IFIT5: variants seen among roughly 807,000 people sequenced by gnomAD.
The protein encoded by IFIT5 is interferon induced protein with tetratricopeptide repeats 5.
In IFIT5, 2 loss-of-function variants were observed where a neutral mutation model predicts 5.0. The ratio of observed to expected loss-of-function variants is 0.40; its 90% CI spans 0.16 to 1.26. The LOEUF is 1.26. IFIT5 is among the 50% of genes most tolerant of loss of function. The pLI is 0.33. For missense variants in IFIT5, 524 were observed against 563.2 expected, an observed-to-expected ratio of 0.93 and a Z score of 0.70; for synonymous variants, 206 against 204.6, an observed-to-expected ratio of 1.01 and a Z score of -0.06.
Position 89,419,288 on chromosome 10 carries a change from GTTTA to G in IFIT5, c.*643_*646del, listed in dbSNP as rs1841575977. On this transcript the variant is annotated 3_prime_UTR_variant, in exon 2 of 2. Coordinates refer to ENST00000371795, the MANE Select transcript of IFIT5 (RefSeq NM_012420.3). ...AACTTCAGGGATTCAATCCCCAAAT[GTTTA>G]TTAAGTAGCTAGAAATAATTATGTG... 6.6e-6 allele frequency: 1 copy of G among 151,416 alleles called. No homozygotes were observed. Among genetic ancestry groups the G allele is most frequent in the Non-Finnish European group, 1.5e-5 (1 of 67,902 alleles). The allele number at this position is 151,416 out of a possible 1,614,324, so 9.4% of individuals were successfully genotyped here. A position where few individuals can be genotyped will look rare whatever the true frequency, so the allele number is the denominator to read the frequency against.
At position 89,417,407 on chromosome 10, in the gene IFIT5, G is replaced by A. The variant is rs753044032; in HGVS notation, c.208G>A (p.Ala70Thr). 10 of 1,613,990 alleles carry A rather than the reference G, an allele frequency of 6.2e-6. No individual in the cohort carries two copies. Among genetic ancestry groups the A allele is most frequent in the African/African-American group, 5.3e-5 (4 of 74,890 alleles). The change falls in exon 2 of 2, where the codon GCC becomes ACC. Residue 70 changes from alanine to threonine, a missense_variant. Coordinates refer to ENST00000371795, the MANE Select transcript of IFIT5 (RefSeq NM_012420.3). ...VKHLKGQNKDALECLEQAEEI... is the reference protein window; with the variant it reads ...VKHLKGQNKDTLECLEQAEEI... Reference sequence around the variant, plus strand: ...ACACCTAAAAGGCCAAAATAAAGACGCCCTTGAGTGCTTGGAACAAGCAGA... The same window carrying A: ...ACACCTAAAAGGCCAAAATAAAGACACCCTTGAGTGCTTGGAACAAGCAGA...
chr10:89,416,306 A>C (rs989575648), intron 1 of IFIT5, among the ~76,000 whole-genome samples: 3 of 151,896 alleles, frequency 2.0e-5, no homozygotes, highest in Admixed American at 6.5e-5. Flanking sequence ...ACAACAACAA[A>C]AAACAGAAAA....
Position 89,417,320 on chromosome 10 carries a change from C to A in IFIT5, c.121C>A (p.Gln41Lys), listed in dbSNP as rs1365563255. Reference sequence around the variant, plus strand: ...TGAGGTAGAAGATACAATTGGGCAACAGCTTGAATTTCTTACCACAAAATC... The same window carrying A: ...TGAGGTAGAAGATACAATTGGGCAAAAGCTTGAATTTCTTACCACAAAATC... The part of the protein sequence containing the change: ...LFEVEDTIGQ[Q>K]LEFLTTKSRL... Residue 41 changes from glutamine to lysine, a missense_variant, in exon 2 of 2, where the codon CAG becomes AAG. Transcript: ENST00000371795. 1.2e-6 allele frequency: 2 copies of A among 1,614,166 alleles called. No homozygotes were observed. Among genetic ancestry groups the A allele is most frequent in the Non-Finnish European group, 8.5e-7 (1 of 1,180,030 alleles).
chr10:89,419,901 C>T lies in IFIT5; in HGVS notation c.*1253C>T, dbSNP rs1177128683. 1 of 151,974 alleles carries T rather than the reference C, an allele frequency of 6.6e-6. No individual in the cohort carries two copies. The highest frequency in any genetic ancestry group is 1.5e-5 in the Non-Finnish European group (1 of 68,004). 9.4% of individuals were successfully genotyped at this position (151,974 alleles called of 1,614,324 possible). On this transcript the variant is annotated 3_prime_UTR_variant, in exon 2 of 2. Coordinates refer to ENST00000371795, the MANE Select transcript of IFIT5 (RefSeq NM_012420.3). ...GTACCATGTGATTTAATTCTCCATT[C>T]CTCCAATGTAACTCTTAAAATTATT...
chr10:89,416,416 A>G (rs1159582951), intron 1 of IFIT5, among the ~76,000 whole-genome samples: 1 of 152,254 alleles, frequency 6.6e-6, no homozygotes, highest in Non-Finnish European at 1.5e-5. Flanking sequence ...GCTTCTTCCT[A>G]GCAGAAGAAC....
rs536497680 is a variant in IFIT5, at chr10:89,415,980, T to A, written c.5+1177T>A. Among the ~76,000 whole-genome samples the A allele has an allele frequency of 3.9e-5, 6 of 152,374 alleles. No homozygotes were observed. In the East Asian group the frequency reaches 1.2e-3, roughly 29 times the overall value. ...CCCTGTCACCCAGGCTGTAGTGTAA[T>A]GGCTCCATCTCGGCTCACTGCAACC... On this transcript the variant is annotated intron_variant, in intron 1 of 1. Coordinates refer to ENST00000371795, the MANE Select transcript of IFIT5 (RefSeq NM_012420.3).
Position 89,417,547 on chromosome 10 carries a change from T to C in IFIT5, c.348T>C (p.Tyr116=), listed in dbSNP as rs1564817260. The C allele has an allele frequency of 1.9e-6, 3 of 1,614,210 alleles. No homozygotes were observed. Among genetic ancestry groups the C allele is most frequent in the Non-Finnish European group, 1.7e-6 (2 of 1,180,022 alleles). ...HMDQLEEAQK[Y]TGKIGNVCKK... ...ACCAGCTTGAAGAAGCTCAGAAGTA[T>C]ACAGGTAAGATAGGGAATGTCTGTA... is the stretch of plus-strand genomic sequence containing the variant. The change falls in exon 2 of 2, where the codon TAT becomes TAC. Residue 116 remains tyrosine (Y), a synonymous_variant. Coordinates refer to ENST00000371795, the MANE Select transcript of IFIT5 (RefSeq NM_012420.3).
Position 89,418,185 on chromosome 10 carries a change from C to T in IFIT5, c.986C>T (p.Ala329Val), listed in dbSNP as rs1193194259. ...LISSAIFHFK[A>V]AMERDSMFAF... The stretch of plus-strand genomic sequence containing the variant: ...TCATCTGCTATATTTCATTTCAAAG[C>T]AGCCATGGAACGAGACTCTATGTTT... Residue 329 changes from alanine to valine, a missense_variant, in exon 2 of 2, where the codon GCA becomes GTA. Transcript: ENST00000371795. The T allele has an allele frequency of 3.7e-6, 6 of 1,614,210 alleles. No individual in the cohort carries two copies. In the Admixed American group the frequency reaches 6.7e-5, roughly 18 times the overall value.
intron 1 of IFIT5, 139 bp downstream of exon 1, chr10:89,414,942 C>T: frequency 2.6e-6 from 3 of 1,149,616 alleles, no homozygotes; most frequent in South Asian, 3.1e-5. Context: ...CGGGCATCTG[C>T]GTTGGGGACC....
Position 89,414,706 on chromosome 10 carries a change from C to A in IFIT5, c.-93C>A. Reference sequence around the variant, plus strand: ...CCTGGCGCGCGCACGCGCACGCGCACGCCCACCGCGCGGCTTCCCGCGGTC... The same window carrying A: ...CCTGGCGCGCGCACGCGCACGCGCAAGCCCACCGCGCGGCTTCCCGCGGTC... On this transcript the variant is annotated 5_prime_UTR_variant, in exon 1 of 2. Coordinates refer to ENST00000371795, the MANE Select transcript of IFIT5 (RefSeq NM_012420.3). 2 of 1,489,944 alleles carry A rather than the reference C, an allele frequency of 1.3e-6. No individual in the cohort carries two copies. The highest frequency in any genetic ancestry group is 1.8e-6 in the Non-Finnish European group (2 of 1,119,908). The allele number at this position is 1,489,944 out of a possible 1,614,324, so 92.3% of individuals were successfully genotyped here.
At position 89,419,389 on chromosome 10, in the gene IFIT5, C is replaced by A. The variant is rs1841577925; in HGVS notation, c.*741C>A. The A allele has an allele frequency of 6.7e-6, 1 of 149,930 alleles. No homozygotes were observed. The highest frequency in any genetic ancestry group is 1.5e-5 in the Non-Finnish European group (1 of 67,684). 9.3% of individuals were successfully genotyped at this position (149,930 alleles called of 1,614,324 possible). ...TTTTTTTTTAACTAAAACAAATCTG[C>A]AATGAATCTAGATGCAATTAATTTT... On this transcript the variant is annotated 3_prime_UTR_variant, in exon 2 of 2. Coordinates refer to ENST00000371795, the MANE Select transcript of IFIT5 (RefSeq NM_012420.3).
In IFIT5 at chr10:89,418,137, A is replaced by G. The variant is rs775644758; in HGVS notation, c.938A>G (p.Lys313Arg). Reference sequence around the variant, plus strand: ...CACAACAGACCTAAAGGAAAGGATAAACTAAAGGTTGATGAGCTGATTTCA... The same window carrying G: ...CACAACAGACCTAAAGGAAAGGATAGACTAAAGGTTGATGAGCTGATTTCA... The part of the protein sequence containing the change: ...ATHNRPKGKD[K>R]LKVDELISSA... Residue 313 changes from lysine (K) to arginine (R), a missense_variant, in exon 2 of 2, where the codon AAA becomes AGA. By Grantham distance (26) the Lys-to-Arg change is conservative (BLOSUM62 2). Coordinates refer to ENST00000371795, the MANE Select transcript of IFIT5 (RefSeq NM_012420.3). 6.2e-7 allele frequency: 1 copy of G among 1,614,124 alleles called. No individual in the cohort carries two copies. Among genetic ancestry groups the G allele is most frequent in the African/African-American group, 1.3e-5 (1 of 74,938 alleles).
rs1370696496 is a variant in IFIT5, at chr10:89,417,882, T to C, written c.683T>C (p.Val228Ala). 1 of 1,614,198 alleles carries C rather than the reference T, an allele frequency of 6.2e-7. No homozygotes were observed. Among genetic ancestry groups the C allele is most frequent in the East Asian group, 2.2e-5 (1 of 44,886 alleles). ...TTTCTGGCACTGAAGCTTCAAGATGTACATGCAGAAGCTGAAGGGGAAAAG... is the reference window on the plus strand; with the variant it reads ...TTTCTGGCACTGAAGCTTCAAGATGCACATGCAGAAGCTGAAGGGGAAAAG... Reference protein sequence around the residue: ...KVFLALKLQDVHAEAEGEKYI... With the variant: ...KVFLALKLQDAHAEAEGEKYI... Residue 228 changes from valine to alanine, a missense_variant, in exon 2 of 2, where the codon GTA (valine) becomes GCA (alanine). By Grantham distance (64) the Val-to-Ala change is moderately conservative. Coordinates refer to ENST00000371795, the MANE Select transcript of IFIT5 (RefSeq NM_012420.3).
At chr10:89,415,364 G>A (rs894276775) in intron 1 of IFIT5, among the ~76,000 whole-genome samples, 8 of 152,188 alleles carry the variant, frequency 5.3e-5, no homozygotes, top group African/African-American at 1.9e-4. Context: ...CATTCCCTCG[G>A]TGTGGCATAC....
At position 89,418,339 on chromosome 10, in the gene IFIT5, C is replaced by T. The variant is rs1310976854; in HGVS notation, c.1140C>T (p.Tyr380=). 1.9e-6 allele frequency: 3 copies of T among 1,614,168 alleles called. No homozygotes were observed. The highest frequency in any genetic ancestry group is 3.3e-4 in the Middle Eastern group (2 of 6,062). The change falls in exon 2 of 2, where the codon TAC becomes TAT. Residue 380 remains tyrosine (Y), a synonymous_variant. Transcript: ENST00000371795. ...ATGATCACAAACATCAGATCCATTA[C>T]CACTATGGCCGCTTTCAGGAATTTC... is the stretch of plus-strand genomic sequence containing the variant. ...ITDDHKHQIH[Y]HYGRFQEFHR... is the part of the protein sequence containing the mutation.
intron 1 of IFIT5, 57 bp downstream of exon 1, chr10:89,414,860 C>A (rs940764301): frequency 1.3e-6 from 2 of 1,592,804 alleles, no homozygotes; most frequent in Non-Finnish European, 8.5e-7. Flanking sequence ...GGTTTCAAAC[C>A]GGGCTGCTTT....
At chr10:89,415,540 T>A (rs1841527158) in intron 1 of IFIT5, among the ~76,000 whole-genome samples, 1 of 152,198 alleles carries the variant, frequency 6.6e-6, no homozygotes, top group African/African-American at 2.4e-5. Flanking sequence ...TCTTTATCTG[T>A]TTCCTTTACT....
chr10:89,417,793 C>T lies in IFIT5; in HGVS notation c.594C>T (p.Ser198=), dbSNP rs968249503. Residue 198 remains serine, a synonymous_variant, in exon 2 of 2, where the codon AGC becomes AGT. Coordinates refer to ENST00000371795, the MANE Select transcript of IFIT5 (RefSeq NM_012420.3). ...CTGATAGAGAAGGGTCTGTAAAGAG[C>T]TTTTCTCTGGGGCCTTTGAGAAAGG... The part of the protein sequence containing the change: ...DDSDREGSVK[S]FSLGPLRKAV... 5.3e-5 allele frequency: 85 copies of T among 1,614,040 alleles called. No homozygotes were observed. Among genetic ancestry groups the T allele is most frequent in the Non-Finnish European group, 6.6e-5 (78 of 1,180,014 alleles).
intron 1 of IFIT5, among the ~76,000 whole-genome samples, chr10:89,416,566 C>T (rs1277529786): frequency 6.6e-6 from 1 of 152,240 alleles, no homozygotes; most frequent in African/African-American, 2.4e-5. Context: ...TGCATAAATT[C>T]CAGAGCCTGG....
Sources: allele counts gnomAD v4.1 joint callset (sites outside exome capture counted in the v4.1 genomes callset), GRCh38; gene constraint gnomAD v4.1.1; transcripts MANE v1.5; gene names NCBI Gene and HGNC (gene_info 2026-07-23, HGNC 2026-07-21).